Variants in DAB1 observed in about 807,000 individuals in gnomAD.
The protein encoded by DAB1 is disabled homolog 1.
DAB1 carries 15 observed loss-of-function variants against 64.6 expected under a neutral mutation model. That is an observed-to-expected ratio of 0.23 (90% confidence interval 0.16 to 0.36). The LOEUF (loss-of-function observed/expected upper bound fraction) is 0.36. DAB1 is among the 10% of genes least tolerant of loss of function. The pLI, the probability that DAB1 is intolerant of heterozygous loss-of-function variation, is 1.00. For missense variants in DAB1, 596 were observed against 706.7 expected (o/e 0.84, Z 1.78); for synonymous variants, 235 against 251.9 (o/e 0.93, Z 0.64).
chr1:57,959,511 T>C (rs1364218278), intron 5 of DAB1, among the ~76,000 whole-genome samples: 1 of 152,244 alleles, frequency 6.6e-6, no homozygotes, highest in African/African-American at 2.4e-5. Flanking sequence ...TCCCATTTTA[T>C]AGATGAGAAC....
Position 57,637,967 on chromosome 1 carries a change from T to C in DAB1, n.625+11625A>G, listed in dbSNP as rs148134552. ...ATTATTCAGTTGTTTACAATGATTG[T>C]TACTGAGAGTATTTGGCAGCATAGA... On this transcript the variant is annotated intron_variant and non_coding_transcript_variant, in intron 7 of 20. Transcript: ENST00000485760. 2.5e-3 allele frequency among the ~76,000 whole-genome samples: 375 copies of C among 152,330 alleles called. 2 individuals are homozygous for C. The highest frequency in any genetic ancestry group is 8.1e-3 in the African/African-American group (338 of 41,580).
At chr1:57,945,884 T>C (rs776821152) in intron 5 of DAB1, among the ~76,000 whole-genome samples, 12 of 152,320 alleles carry the variant, frequency 7.9e-5, no homozygotes, top group East Asian at 1.9e-4. Flanking sequence ...CAGCACATGG[T>C]TGACACTCAA....
At chr1:57,605,503 T>C (rs1241558295) in intron 7 of DAB1, among the ~76,000 whole-genome samples, 1 of 152,132 alleles carries the variant, frequency 6.6e-6, no homozygotes, top group Admixed American at 6.6e-5. Flanking sequence ...GTTTCAAGGG[T>C]TGGCACCAGA....
chr1:57,723,497 C>T (rs894698858), intron 6 of DAB1, among the ~76,000 whole-genome samples: 8 of 152,212 alleles, frequency 5.3e-5, no homozygotes, highest in Admixed American at 6.5e-5. Context: ...TTCACGAAGA[C>T]AACTTTGGGT....
chr1:57,499,860 T>C (rs550579754), intron 7 of DAB1, among the ~76,000 whole-genome samples: 34 of 152,330 alleles, frequency 2.2e-4, no homozygotes, highest in East Asian at 5.8e-4. Flanking sequence ...CCACCTACTA[T>C]ACTTGATTGT....
chr1:57,795,688 GAGATAT>G (rs1163558133), intron 6 of DAB1, among the ~76,000 whole-genome samples: 2 of 42,992 alleles, frequency 4.7e-5, no homozygotes, highest in Non-Finnish European at 7.6e-5. Context: ...ATTATGCTTG[GAGATAT>G]ATATATATAT....
At position 58,514,093 on chromosome 1, in the gene DAB1, T is replaced by G. The variant is rs1361724539; in HGVS notation, n.108-7884A>C. Among the ~76,000 whole-genome samples, 3 of 152,298 alleles carry G rather than the reference T, an allele frequency of 2.0e-5. No individual in the cohort carries two copies. In the East Asian group the frequency reaches 5.8e-4, roughly 29 times the overall value. On this transcript the variant is annotated intron_variant and non_coding_transcript_variant, in intron 2 of 20. Coordinates refer to the DAB1 transcript ENST00000485760. ...AGTGGACACTATTTCTACCTTCCTT[T>G]CCCCTGGTGAGCAACTGGAGGCCTA...
At chr1:57,261,314 T>C (rs1054732132) in intron 2 of DAB1, among the ~76,000 whole-genome samples, 4 of 152,096 alleles carry the variant, frequency 2.6e-5, no homozygotes, top group African/African-American at 9.7e-5. Flanking sequence ...AACAATGAAA[T>C]GTTTATTTTA....
intron 4 of DAB1, among the ~76,000 whole-genome samples, chr1:58,258,816 TGA>T (rs1447245874): frequency 2.6e-5 from 4 of 152,222 alleles, no homozygotes; most frequent in African/African-American, 9.6e-5. Flanking sequence ...ATAGCAATGA[TGA>T]TGCCATTGGG....
chr1:57,037,001 ATCAGAAACCTGCTGTGGT>A (rs1647184627), intron 9 of DAB1, among the ~76,000 whole-genome samples: 1 of 152,218 alleles, frequency 6.6e-6, no homozygotes, highest in African/African-American at 2.4e-5. Context: ...TGGCTTCCAA[ATCAGAAACCTGCTGTGGT>A]TCTCACTCCT....
intron 4 of DAB1, among the ~76,000 whole-genome samples, chr1:58,316,501 C>T (rs950070486): frequency 6.6e-6 from 1 of 152,076 alleles, no homozygotes; most frequent in African/African-American, 2.4e-5. Context: ...AGTCTCTGCC[C>T]TTGTGGTGCT....
At position 57,700,134 on chromosome 1, in the gene DAB1, C is replaced by T. The variant is rs537287864; in HGVS notation, n.552-50469G>A. ...TTGGTCATCCTCATGTGCTACCGGT[C>T]ATTTGAATCCGACTCCTTCACTCTG... On this transcript the variant is annotated intron_variant and non_coding_transcript_variant, in intron 6 of 20. Coordinates refer to the DAB1 transcript ENST00000485760. Among the ~76,000 whole-genome samples the T allele has an allele frequency of 9.2e-5, 14 of 152,208 alleles. No homozygotes were observed. In the East Asian group the frequency reaches 2.5e-3, roughly 27 times the overall value.
chr1:57,426,959 G>A (rs1331494037), upstream of DAB1, among the ~76,000 whole-genome samples: 3 of 151,538 alleles, frequency 2.0e-5, no homozygotes, highest in African/African-American at 7.3e-5. Flanking sequence ...CGCCTCCTGG[G>A]TTCACGCCAT....
At chr1:57,425,573 C>G (rs1465916994), upstream of DAB1, among the ~76,000 whole-genome samples, 1 of 152,142 alleles carries the variant, frequency 6.6e-6, no homozygotes. Flanking sequence ...TAACAGCTTC[C>G]GTACAAATGG....
At chr1:57,436,892 G>A (rs1055836957) in intron 7 of DAB1, among the ~76,000 whole-genome samples, 14 of 152,106 alleles carry the variant, frequency 9.2e-5, no homozygotes, top group Non-Finnish European at 1.5e-4. Flanking sequence ...CCCGGATGTG[G>A]TGGCGGCTGC....
chr1:57,571,944 T>G (rs1645198111), intron 7 of DAB1, among the ~76,000 whole-genome samples: 1 of 152,126 alleles, frequency 6.6e-6, no homozygotes, highest in Admixed American at 6.5e-5. Context: ...AACCAATAAA[T>G]TATCCCATGG....
chr1:57,083,204 G>A (rs887071449), intron 4 of DAB1, among the ~76,000 whole-genome samples: 3 of 152,092 alleles, frequency 2.0e-5, no homozygotes, highest in Admixed American at 6.6e-5. Context: ...GACACAGAAG[G>A]GTTAAGTAAC....
chr1:57,493,609 G>C (rs988925122), intron 7 of DAB1, among the ~76,000 whole-genome samples: 2 of 152,140 alleles, frequency 1.3e-5, no homozygotes, highest in African/African-American at 4.8e-5. Context: ...TGTATGGATG[G>C]AGCTGTGTAT....
chr1:57,380,803 G>A (rs756986628), intron 1 of DAB1, among the ~76,000 whole-genome samples: 6 of 152,164 alleles, frequency 3.9e-5, no homozygotes, highest in Non-Finnish European at 8.8e-5. Flanking sequence ...GGCTGTACAG[G>A]AGCTTGATGA....
Sources: allele counts gnomAD v4.1 joint callset (sites outside exome capture counted in the v4.1 genomes callset), GRCh38; gene constraint gnomAD v4.1.1; transcripts MANE v1.5; gene names NCBI Gene and HGNC (gene_info 2026-07-23, HGNC 2026-07-21).